ELF1: variants seen among roughly 807,000 people sequenced by gnomAD.
ELF1 encodes ETS-related transcription factor Elf-1.
ELF1 carries 24 observed loss-of-function variants against 59.9 expected under a neutral mutation model. The observed-to-expected ratio is 0.40, with a 90% CI of 0.29 to 0.56. ELF1 has a LOEUF of 0.56. Among genes scored for constraint, ELF1 ranks in the 20% least tolerant of loss-of-function variants. The probability of loss-of-function intolerance (pLI) is 0.44; values close to 1 mark genes in which losing one functional copy is unlikely to be tolerated. For missense variants in ELF1, 627 were observed against 742.2 expected, an observed-to-expected ratio of 0.84 and a Z score of 1.80; for synonymous variants, 248 against 266.2, an observed-to-expected ratio of 0.93 and a Z score of 0.67.
Position 40,951,393 on chromosome 13 carries a change from A to T in ELF1, c.297T>A (p.Ile99=), listed in dbSNP as rs1255361802. 1.2e-6 allele frequency: 2 copies of T among 1,613,950 alleles called. No individual in the cohort carries two copies. Among genetic ancestry groups the T allele is most frequent in the East Asian group, 4.5e-5 (2 of 44,854 alleles). Residue 99 remains isoleucine, a synonymous_variant, in exon 4 of 9, where the codon ATT becomes ATA. Coordinates refer to ENST00000239882, the MANE Select transcript of ELF1 (RefSeq NM_172373.4). ...TATTGAGGAGTGCCTCAGCAGCCTCAATAGTTTCAATTGTTTCATCCCCGT... is the reference window on the plus strand; with the variant it reads ...TATTGAGGAGTGCCTCAGCAGCCTCTATAGTTTCAATTGTTTCATCCCCGT... ...CHDGDETIET[I]EAAEALLNMD...
chr13:40,955,999 G>A (rs1282664207), intron 3 of ELF1, among the ~76,000 whole-genome samples: 1 of 144,942 alleles, frequency 6.9e-6, no homozygotes, highest in East Asian at 2.0e-4. Flanking sequence ...GAGGTGAGGG[G>A]CGCCTCTGCC....
At chr13:41,005,922 A>G (rs1184883844) in intron 1 of ELF1, among the ~76,000 whole-genome samples, 1 of 152,204 alleles carries the variant, frequency 6.6e-6, no homozygotes, top group Non-Finnish European at 1.5e-5. Context: ...ATATTGGTCA[A>G]TATTTACCTA....
chr13:40,964,551 G>A lies in ELF1; in HGVS notation c.73-5535C>T, dbSNP rs149211412. 2.9e-3 allele frequency among the ~76,000 whole-genome samples: 434 copies of A among 151,920 alleles called. 1 individual carries two copies. Among genetic ancestry groups the A allele is most frequent in the African/African-American group, 9.9e-3 (412 of 41,422 alleles). On this transcript the variant is annotated intron_variant, in intron 2 of 8. Transcript: ENST00000239882. ...TTGAGACAGGATGGAGTGCAGTGGC[G>A]TGATCTCAGCTCTCCCTCTGTCACC... is the stretch of plus-strand genomic sequence containing the variant.
In ELF1 at chr13:40,983,809, C is replaced by T. The variant is rs138525795; in HGVS notation, c.-228-1527G>A. Among the ~76,000 whole-genome samples, 118 of 152,222 alleles carry T rather than the reference C, an allele frequency of 7.8e-4. No homozygotes were observed. In the Middle Eastern group the frequency reaches 0.01, roughly 13 times the overall value. On this transcript the variant is annotated intron_variant, in intron 1 of 8. Coordinates refer to ENST00000239882, the MANE Select transcript of ELF1 (RefSeq NM_172373.4). ...TCCAACCCAATTCCTCTGTAGTAGA[C>T]CTGCCTTATGTTCCTCCACACAAAC...
At chr13:40,988,948 C>T (rs190647448) in intron 1 of ELF1, among the ~76,000 whole-genome samples, 1 of 152,078 alleles carries the variant, frequency 6.6e-6, no homozygotes, top group African/African-American at 2.4e-5. Flanking sequence ...CAGGTGTGCA[C>T]CACCACGTCT....
At chr13:41,052,502 G>A (rs771432876) in intron 1 of ELF1, among the ~76,000 whole-genome samples, 2 of 152,116 alleles carry the variant, frequency 1.3e-5, no homozygotes, top group African/African-American at 4.8e-5. Flanking sequence ...TAAGTTTATT[G>A]ACTCTTCATT....
In ELF1 at chr13:40,941,190, C is replaced by T. The variant is rs767868893; in HGVS notation, c.987G>A (p.Ser329=). Residue 329 remains serine, a synonymous_variant, in exon 8 of 9, where the codon TCG becomes TCA. Transcript: ENST00000239882. Reference sequence around the variant, plus strand: ...TTACCCCTGGACTTGAAGATACTCTCGACCGGCTGGTTTGATTCCTATTTG... The same window carrying T: ...TTACCCCTGGACTTGAAGATACTCTTGACCGGCTGGTTTGATTCCTATTTG... ...ATSNRNQTSR[S]RVSSSPGVKG... 8 of 1,614,172 alleles carry T rather than the reference C, an allele frequency of 5.0e-6. No individual in the cohort carries two copies. The South Asian group carries it at 5.5e-5, about 11-fold the overall frequency.
At chr13:41,035,834 G>T (rs1876353795) in intron 1 of ELF1, among the ~76,000 whole-genome samples, 2 of 143,994 alleles carry the variant, frequency 1.4e-5, no homozygotes, top group South Asian at 2.2e-4. Context: ...ACAACTTCTT[G>T]TTAAAAAAAA....
intron 2 of ELF1, among the ~76,000 whole-genome samples, chr13:40,976,714 AT>A (rs1314193176): frequency 6.6e-6 from 1 of 151,900 alleles, no homozygotes; most frequent in East Asian, 1.9e-4. Context: ...CTAATTTTGT[AT>A]TTTTAGTAGA....
chr13:40,983,640 T>G lies in ELF1; in HGVS notation c.-228-1358A>C, dbSNP rs150124645. 1.8e-4 allele frequency among the ~76,000 whole-genome samples: 28 copies of G among 152,316 alleles called. 1 individual carries two copies. The East Asian group carries it at 4.8e-3, about 26-fold the overall frequency. On this transcript the variant is annotated intron_variant, in intron 1 of 8. Coordinates refer to ENST00000239882, the MANE Select transcript of ELF1 (RefSeq NM_172373.4). ...TTAACTCCAACACTGGGAAAGTATT[T>G]TTAGCACATTCAGGTGGTTTTTGAG...
chr13:41,052,042 G>A (rs1038559834), intron 1 of ELF1, among the ~76,000 whole-genome samples: 2 of 149,090 alleles, frequency 1.3e-5, no homozygotes, highest in East Asian at 4.0e-4. Context: ...CCAGGTTCAA[G>A]TGATTCTCCT....
At chr13:41,039,479 TG>T (rs975518056) in intron 1 of ELF1, among the ~76,000 whole-genome samples, 95 of 152,198 alleles carry the variant, frequency 6.2e-4, no homozygotes, top group African/African-American at 2.2e-3. Flanking sequence ...CAATATATTG[TG>T]GATGTGCAGT....
chr13:41,041,901 C>T lies in ELF1; in HGVS notation c.-229+18937G>A, dbSNP rs79711773. Among the ~76,000 whole-genome samples the T allele has an allele frequency of 3.9e-3, 589 of 152,240 alleles. 4 individuals carry two copies. The highest frequency in any genetic ancestry group is 0.014 in the African/African-American group (567 of 41,528). ...CTCAATACCTGTGTGTACACAATCC[C>T]GGAATACCATATTTAGACTAAGTCA... On this transcript the variant is annotated intron_variant, in intron 1 of 1. Transcript: ENST00000405737.
intron 1 of ELF1, among the ~76,000 whole-genome samples, chr13:41,040,014 A>G (rs1215041972): frequency 6.6e-6 from 1 of 152,198 alleles, no homozygotes; most frequent in Admixed American, 6.5e-5. Flanking sequence ...CAAAGATTCA[A>G]ATGATTAGAG....
At chr13:40,934,748 T>C (rs1869654826) in intron 8 of ELF1, among the ~76,000 whole-genome samples, 1 of 152,186 alleles carries the variant, frequency 6.6e-6, no homozygotes, top group African/African-American at 2.4e-5. Context: ...GAGATAATGT[T>C]ACCAACATGC....
chr13:40,984,228 G>A (rs1353300291), intron 1 of ELF1, among the ~76,000 whole-genome samples: 2 of 152,164 alleles, frequency 1.3e-5, no homozygotes, highest in Non-Finnish European at 2.9e-5. Context: ...TGTGCCCACA[G>A]TGATGACAAA....
intron 1 of ELF1, chr13:41,060,761 G>A (rs532719434): frequency 2.9e-4 from 48 of 167,068 alleles, no homozygotes; most frequent in South Asian, 4.5e-4. Flanking sequence ...AGTCGAACCC[G>A]GGCCACCTGG....
chr13:40,984,759 G>A (rs1873465006), intron 1 of ELF1, among the ~76,000 whole-genome samples: 1 of 152,168 alleles, frequency 6.6e-6, no homozygotes, highest in South Asian at 2.1e-4. Context: ...GGTTCCAGAA[G>A]GCTATTTCAA....
At chr13:41,001,090 C>T (rs764462407) in intron 1 of ELF1, among the ~76,000 whole-genome samples, 22 of 151,706 alleles carry the variant, frequency 1.5e-4, no homozygotes, top group Admixed American at 5.2e-4. Flanking sequence ...GATTCTCCTG[C>T]CTCAGCCTCC....
Sources: gnomAD v4.1 joint callset for allele counts (sites outside exome capture counted in the v4.1 genomes callset) on GRCh38, gnomAD v4.1.1 for gene constraint, MANE v1.5 for transcripts, NCBI Gene and HGNC (gene_info 2026-07-23, HGNC 2026-07-21) for gene names.